The following KLB variants were observed in gnomAD, a reference collection of about 807,000 sequenced individuals.
The protein encoded by KLB is beta-klotho.
A neutral mutation model predicts 88.4 loss-of-function variants in KLB; 44 were observed. The ratio of observed to expected loss-of-function variants is 0.50; its 90% CI spans 0.39 to 0.64. The LOEUF (loss-of-function observed/expected upper bound fraction) is 0.64. Ranked by LOEUF, KLB falls within the 30% of genes least tolerant of loss-of-function variation. The pLI is 0.00. For missense variants in KLB, 1,137 were observed against 1,304.8 expected (o/e 0.87, Z 1.98); for synonymous variants, 548 against 513.4 (o/e 1.07, Z -0.91).
At chr4:39,440,113 TTTTC>T (rs1447771481) in intron 3 of KLB, among the ~76,000 whole-genome samples, 1 of 151,050 alleles carries the variant, frequency 6.6e-6, no homozygotes, top group Non-Finnish European at 1.5e-5. Context: ...TTTTGTTTTG[TTTTC>T]TTTTCTTCTT....
chr4:39,407,934 T>A (rs977055176), intron 1 of KLB, among the ~76,000 whole-genome samples, 160 bp downstream of exon 1: 3 of 152,232 alleles, frequency 2.0e-5, no homozygotes, highest in African/African-American at 7.2e-5. Context: ...TAGTGTATGT[T>A]TTATTTATCT....
rs774139581 is a variant in KLB, at chr4:39,450,927, TTC to T, written c.*2245_*2246del. On this transcript the variant is annotated 3_prime_UTR_variant, in exon 5 of 5. Coordinates refer to ENST00000257408, the MANE Select transcript of KLB (RefSeq NM_175737.4). ...TGGAATTTATCTTTCAGGTTTTGCTTTCTCTTTCTCACTTTGTTTAAAGTATC... is the reference window on the plus strand; with the variant it reads ...TGGAATTTATCTTTCAGGTTTTGCTTTCTTTCTCACTTTGTTTAAAGTATC... The T allele has an allele frequency of 1.3e-5, 2 of 152,044 alleles. No homozygotes were observed. The highest frequency in any genetic ancestry group is 2.4e-5 in the African/African-American group (1 of 41,410). 9.4% of individuals were successfully genotyped at this position (152,044 alleles called of 1,614,324 possible).
chr4:39,429,956 C>T (rs2687978), intron 1 of KLB, among the ~76,000 whole-genome samples: 91,681 of 151,978 alleles, frequency 0.6, 29,208 homozygotes, highest in Admixed American at 0.71. Context: ...ATAGCCTAGG[C>T]AAATAGCAGC....
Position 39,447,300 on chromosome 4 carries a change from C to T in KLB, c.2574C>T (p.Ser858=), listed in dbSNP as rs1468779204. The T allele has an allele frequency of 6.2e-7, 1 of 1,614,076 alleles. No homozygotes were observed. The highest frequency in any genetic ancestry group is 2.2e-5 in the East Asian group (1 of 44,872). The change falls in exon 4 of 5, where the codon TCC becomes TCT. Residue 858 remains serine, a synonymous_variant. Transcript: ENST00000257408. ...QFLQDITRLS[S]PTRLAVIPWG... ...TGCAGGACATCACCCGCCTGAGCTC[C>T]CCCACGCGCCTGGCTGTGATTCCCT...
chr4:39,411,425 C>T lies in KLB; in HGVS notation c.825+3651C>T, dbSNP rs528481248. 1.8e-3 allele frequency among the ~76,000 whole-genome samples: 271 copies of T among 150,106 alleles called. 3 individuals carry two copies. Among genetic ancestry groups the T allele is most frequent in the African/African-American group, 6.1e-3 (250 of 40,812 alleles). On this transcript the variant is annotated intron_variant, in intron 1 of 4. Coordinates refer to ENST00000257408, the MANE Select transcript of KLB (RefSeq NM_175737.4). Reference sequence around the variant, plus strand: ...CGCTATCTCGGCTCACTGCAAGCTCCGCCTCCCAGGTTCACGCCATTCTCC... The same window carrying T: ...CGCTATCTCGGCTCACTGCAAGCTCTGCCTCCCAGGTTCACGCCATTCTCC...
chr4:39,434,434 C>G lies in KLB; in HGVS notation c.1050C>G (p.Ser350=), dbSNP rs147899701. ...YPEGMRKKLF[S]VLPIFSEAEK... ...AGGGGATGAGAAAGAAGTTGTTCTC[C>G]GTTCTACCCATTTTCTCTGAAGCAG... The change falls in exon 2 of 5, where the codon TCC becomes TCG. Residue 350 remains serine, a synonymous_variant. Coordinates refer to ENST00000257408, the MANE Select transcript of KLB (RefSeq NM_175737.4). 1 of 1,614,114 alleles carries G rather than the reference C, an allele frequency of 6.2e-7. No homozygotes were observed.
rs774473808 is a variant in KLB, at chr4:39,446,953, C to T, written c.2227C>T (p.His743Tyr). The T allele has an allele frequency of 6.2e-7, 1 of 1,605,846 alleles. No homozygotes were observed. The highest frequency in any genetic ancestry group is 1.7e-5 in the Admixed American group (1 of 59,894). ...SQRGAVSLSL[H>Y]ADWAEPANPY... ...GCGCGGGGCCGTGTCGCTGTCGCTG[C>T]ACGCGGACTGGGCGGAACCCGCCAA... The change falls in exon 4 of 5, where the codon CAC (histidine) becomes TAC (tyrosine). Residue 743 changes from histidine to tyrosine, a missense_variant. By Grantham distance (83) the His-to-Tyr change is moderately conservative. Around this residue, in one of 4 missense-constraint regions of KLB, gnomAD observed 426 missense variants for 404.6 expected, o/e 1.05. Coordinates refer to ENST00000257408, the MANE Select transcript of KLB (RefSeq NM_175737.4). The surrounding 1 kb of genome is among the most constrained non-coding windows in gnomAD (Gnocchi z 6.4).
intron 1 of KLB, among the ~76,000 whole-genome samples, chr4:39,425,057 A>G (rs1465529837): frequency 1.3e-5 from 2 of 152,212 alleles, no homozygotes; most frequent in Non-Finnish European, 2.9e-5. Context: ...AAAAATTACT[A>G]TCAGGATCAC....
chr4:39,445,231 G>A (rs564503801), intron 3 of KLB, among the ~76,000 whole-genome samples: 15 of 152,176 alleles, frequency 9.9e-5, no homozygotes, highest in African/African-American at 3.4e-4. Context: ...AGGTGGGTGC[G>A]ATTACTCCGT....
intron 2 of KLB, among the ~76,000 whole-genome samples, chr4:39,436,850 C>G (rs1384948592): frequency 6.6e-6 from 1 of 152,026 alleles, no homozygotes; most frequent in Non-Finnish European, 1.5e-5. Flanking sequence ...GCTGGGATTA[C>G]AGATGCCCGC....
chr4:39,439,463 T>G (rs867239145), intron 3 of KLB, among the ~76,000 whole-genome samples: 3 of 132,614 alleles, frequency 2.3e-5, no homozygotes, highest in East Asian at 3.9e-4. Context: ...TGTTTTTGTT[T>G]TTGTTTTTGT....
At chr4:39,445,181 C>A (rs998920105) in intron 3 of KLB, among the ~76,000 whole-genome samples, 14 of 152,164 alleles carry the variant, frequency 9.2e-5, no homozygotes, top group Non-Finnish European at 4.4e-5. Flanking sequence ...GTTCCCAGAG[C>A]ACCTTCCCAG....
chr4:39,437,747 C>A lies in KLB; in HGVS notation c.1357C>A (p.Arg453=), dbSNP rs777383398. 6 of 1,611,742 alleles carry A rather than the reference C, an allele frequency of 3.7e-6. No homozygotes were observed. The Admixed American group carries it at 5.0e-5, about 13-fold the overall frequency. Residue 453 remains arginine (R), a synonymous_variant, in exon 3 of 5, where the codon CGA becomes AGA. Coordinates refer to ENST00000257408, the MANE Select transcript of KLB (RefSeq NM_175737.4). ...VLQAIRLDEI[R]VFGYTAWSLL... The stretch of plus-strand genomic sequence containing the variant: ...TGCAGCAATAAGGTTAGATGAAATA[C>A]GAGTGTTTGGTTATACTGCCTGGTC...
chr4:39,409,473 G>A (rs1032932158), intron 1 of KLB, among the ~76,000 whole-genome samples: 2 of 150,886 alleles, frequency 1.3e-5, no homozygotes, highest in Admixed American at 6.6e-5. Flanking sequence ...TGTGTTTTTA[G>A]TAGAGAGGGG....
chr4:39,419,699 C>A (rs1578203325), intron 1 of KLB, among the ~76,000 whole-genome samples: 1 of 150,480 alleles, frequency 6.6e-6, no homozygotes, highest in South Asian at 2.1e-4. Context: ...TTGTCTGAGC[C>A]CAGAAGGCGG....
rs536488350 is a variant in KLB, at chr4:39,437,111, T to G, written c.1337-616T>G. On this transcript the variant is annotated intron_variant, in intron 2 of 4. Transcript: ENST00000257408. ...AGAGATCCTATTTTCCAATCTTTTT[T>G]GTTTAAAAATGAGGAAACCGAGGCC... is the stretch of plus-strand genomic sequence containing the variant. Among the ~76,000 whole-genome samples, 17 of 152,348 alleles carry G rather than the reference T, an allele frequency of 1.1e-4. 1 individual carries two copies. In the South Asian group the frequency reaches 3.3e-3, roughly 30 times the overall value.
intron 1 of KLB, among the ~76,000 whole-genome samples, chr4:39,418,727 C>T (rs112275455): frequency 0.061 from 9,204 of 151,302 alleles, 326 homozygotes; most frequent in African/African-American, 0.074. Flanking sequence ...GCAGGTGGAT[C>T]ACTTGAGGTC....
chr4:39,447,330 G>A lies in KLB; in HGVS notation c.2604G>A (p.Gly868=), dbSNP rs370139894. 6.2e-7 allele frequency: 1 copy of A among 1,614,160 alleles called. No homozygotes were observed. The highest frequency in any genetic ancestry group is 2.2e-5 in the East Asian group (1 of 44,888). ...SPTRLAVIPW[G]VRKLLRWVRR... The stretch of plus-strand genomic sequence containing the variant: ...CGCGCCTGGCTGTGATTCCCTGGGG[G>A]GTGCGCAAGCTGCTGCGGTGGGTCC... Residue 868 remains glycine (G), a synonymous_variant, in exon 4 of 5, where the codon GGG becomes GGA. Coordinates refer to ENST00000257408, the MANE Select transcript of KLB (RefSeq NM_175737.4).
chr4:39,414,073 C>A (rs980915024), intron 1 of KLB, among the ~76,000 whole-genome samples: 4 of 151,962 alleles, frequency 2.6e-5, no homozygotes, highest in African/African-American at 7.3e-5. Context: ...GCCAAATGTC[C>A]CCAGGAAGTC....
Sources: gnomAD v4.1 joint callset for allele counts (sites outside exome capture counted in the v4.1 genomes callset) on GRCh38, gnomAD v4.1.1 for gene constraint, gnomAD v4.1.1 regional missense constraint, Gnocchi (gnomAD v3.1) non-coding constraint, MANE v1.5 for transcripts, NCBI Gene and HGNC (gene_info 2026-07-23, HGNC 2026-07-21) for gene names.